BAZ2B: variants seen among roughly 807,000 people sequenced by gnomAD.
BAZ2B encodes the protein bromodomain adjacent to zinc finger domain protein 2B.
BAZ2B carries 91 observed loss-of-function variants against 246.0 expected under a neutral mutation model. The ratio of observed to expected loss-of-function variants is 0.37; its 90% CI spans 0.31 to 0.44. The LOEUF is 0.44. Ranked by LOEUF, BAZ2B falls within the 20% of genes least tolerant of loss-of-function variation. The pLI is 1.00. For synonymous variants in BAZ2B, 855 were observed against 860.0 expected, an observed-to-expected ratio of 0.99 and a Z score of 0.10; for missense variants, 2,332 against 2,533.7, an observed-to-expected ratio of 0.92 and a Z score of 1.71.
At chr2:159,392,560 CT>C (rs950338656) in intron 20 of BAZ2B, among the ~76,000 whole-genome samples, 5 of 152,232 alleles carry the variant, frequency 3.3e-5, no homozygotes, top group Admixed American at 2.6e-4. Flanking sequence ...AATTTCCCCC[CT>C]GGACACCTGG....
intron 2 of BAZ2B, among the ~76,000 whole-genome samples, chr2:159,484,138 G>A (rs1577629560): frequency 6.6e-6 from 1 of 152,156 alleles, no homozygotes; most frequent in African/African-American, 2.4e-5. Flanking sequence ...AAATGGACAA[G>A]AAGAACAGTC....
chr2:159,344,980 T>C (rs903004295), intron 31 of BAZ2B, among the ~76,000 whole-genome samples: 2 of 151,854 alleles, frequency 1.3e-5, no homozygotes, highest in Non-Finnish European at 2.9e-5. Context: ...GAGGCCGAGG[T>C]GGGCAGATGA....
At chr2:159,543,754 T>G (rs969635600) in intron 2 of BAZ2B, among the ~76,000 whole-genome samples, 1 of 152,358 alleles carries the variant, frequency 6.6e-6, no homozygotes, top group Admixed American at 6.5e-5. Context: ...CAGGCTGGTC[T>G]TGATCCCTTG....
At chr2:159,589,031 T>C (rs1480839233) in intron 1 of BAZ2B, among the ~76,000 whole-genome samples, 1 of 152,188 alleles carries the variant, frequency 6.6e-6, no homozygotes, top group Non-Finnish European at 1.5e-5. Flanking sequence ...AACTAATTTC[T>C]TCAAAAGTAG....
chr2:159,364,331 C>T (rs1207452792), intron 27 of BAZ2B, among the ~76,000 whole-genome samples: 3 of 152,096 alleles, frequency 2.0e-5, no homozygotes, highest in South Asian at 4.1e-4. Flanking sequence ...GGCTTTTGGA[C>T]CTTTTGCGTG....
intron 31 of BAZ2B, among the ~76,000 whole-genome samples, chr2:159,338,738 T>C (rs2066093279): frequency 6.6e-6 from 1 of 152,240 alleles, no homozygotes; most frequent in Non-Finnish European, 1.5e-5. Context: ...CTGCTCATGC[T>C]GTTCCCACTT....
chr2:159,461,091 TG>T (rs1175415225), intron 3 of BAZ2B: 1 of 152,470 alleles, frequency 6.6e-6, no homozygotes, highest in Non-Finnish European at 1.5e-5. Flanking sequence ...AACTGTTCCT[TG>T]ACTATATTAC....
At chr2:159,603,623 C>G (rs1692703360) in intron 1 of BAZ2B, among the ~76,000 whole-genome samples, 1 of 152,018 alleles carries the variant, frequency 6.6e-6, no homozygotes, top group African/African-American at 2.4e-5. Flanking sequence ...AAATCATCTT[C>G]CTATATTTCC....
chr2:159,438,313 C>T lies in BAZ2B; in HGVS notation c.1283G>A (p.Arg428Lys), dbSNP rs751151636. ...EESSLLTSEL[R>K]SKREQYKQAF... ...TAATTTGTAACTCACCCGTTTGGAT[C>T]TCAATTCACTGGTCAATAAACTAGA... The change falls in exon 8 of 37, where the codon AGA becomes AAA. Residue 428 changes from arginine to lysine, a missense_variant. By Grantham distance (26) the Arg-to-Lys change is conservative. Transcript: ENST00000392783. The T allele has an allele frequency of 5.6e-6, 9 of 1,612,094 alleles. No individual in the cohort carries two copies. The South Asian group carries it at 9.9e-5, about 18-fold the overall frequency.
Position 159,349,737 on chromosome 2 carries a change from A to G in BAZ2B, c.4834T>C (p.Leu1612=), listed in dbSNP as rs754665659. Residue 1612 remains leucine (L), a synonymous_variant, in exon 28 of 37, where the codon TTA becomes CTA. Coordinates refer to ENST00000392783, the MANE Select transcript of BAZ2B (RefSeq NM_013450.4). The stretch of plus-strand genomic sequence containing the variant: ...AGAGGTGATAAAGCAAATGGATTTA[A>G]GCCAACAGGATTCTGAGCAGAAGAT... ...LGSSAQNPVG[L]NPFALSPLQV... The G allele has an allele frequency of 6.2e-7, 1 of 1,613,984 alleles. No homozygotes were observed. The highest frequency in any genetic ancestry group is 1.1e-5 in the South Asian group (1 of 91,060).
At chr2:159,576,595 C>T (rs1317028934) in intron 1 of BAZ2B, among the ~76,000 whole-genome samples, 1 of 151,124 alleles carries the variant, frequency 6.6e-6, no homozygotes, top group East Asian at 1.9e-4. Context: ...GATACCACCA[C>T]TCTGAAAGGC....
At chr2:159,635,086 G>T in the BAZ2B span, among the ~76,000 whole-genome samples, 1 of 152,132 alleles carries the variant, frequency 6.6e-6, no homozygotes, top group Non-Finnish European at 1.5e-5. Context: ...CTGGAATTTT[G>T]TGGCAACTTT....
chr2:159,630,038 A>G, the BAZ2B span, among the ~76,000 whole-genome samples: 1 of 152,228 alleles, frequency 6.6e-6, no homozygotes, highest in Non-Finnish European at 1.5e-5. Context: ...ACCTAAAAGG[A>G]GGAAGGGAGC....
At chr2:159,707,990 T>A in the BAZ2B span, among the ~76,000 whole-genome samples, 1 of 151,532 alleles carries the variant, frequency 6.6e-6, no homozygotes, top group South Asian at 2.1e-4. Flanking sequence ...AGACTCTGTC[T>A]CCAAAATAAA....
At chr2:159,658,416 C>G in the BAZ2B span, among the ~76,000 whole-genome samples, 1 of 152,278 alleles carries the variant, frequency 6.6e-6, no homozygotes, top group African/African-American at 2.4e-5. Context: ...TCACTGCAAC[C>G]TTGATCTCCT....
chr2:159,349,991 T>G lies in BAZ2B; in HGVS notation c.4580A>C (p.Asn1527Thr), dbSNP rs780410906. 6.2e-7 allele frequency: 1 copy of G among 1,614,042 alleles called. No homozygotes were observed. Among genetic ancestry groups the G allele is most frequent in the African/African-American group, 1.3e-5 (1 of 74,926 alleles). The change falls in exon 28 of 37, where the codon AAT (asparagine) becomes ACT (threonine). Residue 1527 changes from asparagine to threonine, a missense_variant. Asn to Thr is a moderately conservative substitution (Grantham distance 65). Transcript: ENST00000392783. ...ACCACTTGAACCAGTATTAAACAGATTATTAGAGTCTGCCTTTTCCACATT... is the reference window on the plus strand; with the variant it reads ...ACCACTTGAACCAGTATTAAACAGAGTATTAGAGTCTGCCTTTTCCACATT... The part of the protein sequence containing the change: ...QSNVEKADSN[N>T]LFNTGSSGPG...
At position 159,389,452 on chromosome 2, in the gene BAZ2B, C is replaced by T. The variant is rs1226379639; in HGVS notation, c.3109G>A (p.Glu1037Lys). ...KERLKQEKRDEKRLNKERKLE... is the reference protein window; with the variant it reads ...KERLKQEKRDKKRLNKERKLE... ...TTACGCTCTTTATTTAATCTTTTCT[C>T]ATCACGTTTTTCTTGTTTCAACCGC... The change falls in exon 21 of 37, where the codon GAG (glutamate) becomes AAG (lysine). Residue 1037 changes from glutamate to lysine, a missense_variant. Glu to Lys is a moderately conservative substitution (Grantham distance 56). Around this residue, in one of 9 missense-constraint regions of BAZ2B, gnomAD observed 328 missense variants for 410.4 expected, o/e 0.80. Coordinates refer to ENST00000392783, the MANE Select transcript of BAZ2B (RefSeq NM_013450.4). 4 of 1,608,464 alleles carry T rather than the reference C, an allele frequency of 2.5e-6. No individual in the cohort carries two copies. Among genetic ancestry groups the T allele is most frequent in the Non-Finnish European group, 3.4e-6 (4 of 1,178,020 alleles).
chr2:159,482,953 C>T (rs559190920), intron 2 of BAZ2B, among the ~76,000 whole-genome samples: 3 of 152,118 alleles, frequency 2.0e-5, no homozygotes, highest in Non-Finnish European at 2.9e-5. Flanking sequence ...CATCTGACAC[C>T]TACGCTCCTA....
chr2:159,351,482 TA>T (rs914495577), intron 27 of BAZ2B, among the ~76,000 whole-genome samples: 11 of 148,396 alleles, frequency 7.4e-5, no homozygotes, highest in African/African-American at 2.7e-4. Flanking sequence ...AATAAATTCC[TA>T]AAAAAAAAAC....
Sources: gnomAD v4.1 joint callset for allele counts (sites outside exome capture counted in the v4.1 genomes callset) on GRCh38, gnomAD v4.1.1 for gene constraint, gnomAD v4.1.1 regional missense constraint, MANE v1.5 for transcripts, NCBI Gene and HGNC (gene_info 2026-07-23, HGNC 2026-07-21) for gene names.